Variants in ZNF107 observed in about 807,000 individuals in gnomAD.
The protein encoded by ZNF107 is C2H2 type zinc-finger protein.
Under a neutral mutation model 12.3 loss-of-function variants are expected in ZNF107, and 19 were observed. The observed-to-expected ratio is 1.55, with a 90% confidence interval of 1.08 to 2.27. The LOEUF (loss-of-function observed/expected upper bound fraction) is 2.27, where lower values mean the gene tolerates loss of function less well. Ranked by LOEUF, ZNF107 falls within the 30% of genes most tolerant of loss-of-function variation. The pLI is 0.00. For synonymous variants in ZNF107, 317 were observed against 330.5 expected (o/e 0.96, Z 0.44); for missense variants, 958 against 979.9 (o/e 0.98, Z 0.30).
chr7:64,667,444 A>G (rs1412620707), intron 1 of ZNF107, among the ~76,000 whole-genome samples: 1 of 140,978 alleles, frequency 7.1e-6, no homozygotes, highest in Non-Finnish European at 1.6e-5. Context: ...GTCTGTGCCT[A>G]TTTTCCTTTT....
At chr7:64,666,620 G>A (rs1789015840) in intron 1 of ZNF107, among the ~76,000 whole-genome samples, 1 of 152,194 alleles carries the variant, frequency 6.6e-6, no homozygotes, top group Non-Finnish European at 1.5e-5. Flanking sequence ...GATGCCGGGA[G>A]GGTCATCAGG....
At chr7:64,680,952 C>A (rs1278980716) in intron 1 of ZNF107, among the ~76,000 whole-genome samples, 1 of 152,158 alleles carries the variant, frequency 6.6e-6, no homozygotes, top group Non-Finnish European at 1.5e-5. Flanking sequence ...CAGGGCCATG[C>A]TTCAAGTGCC....
At chr7:64,679,477 G>T (rs1383634676) in intron 1 of ZNF107, 1 of 593,638 alleles carries the variant, frequency 1.7e-6, no homozygotes, top group Non-Finnish European at 2.1e-6. Flanking sequence ...TCAACCACAG[G>T]GACATGTGCC....
chr7:64,687,120 CA>C, intron 1 of ZNF107: 1 of 985,008 alleles, frequency 1.0e-6, no homozygotes, highest in Non-Finnish European at 1.2e-6. Flanking sequence ...TTTTCCCTCT[CA>C]ATATAATCAT....
chr7:64,700,376 G>T (rs1324610718), intron 3 of ZNF107, among the ~76,000 whole-genome samples: 1 of 152,058 alleles, frequency 6.6e-6, no homozygotes, highest in Non-Finnish European at 1.5e-5. Context: ...CTATTACCAT[G>T]TGATATGTGT....
intron 1 of ZNF107, among the ~76,000 whole-genome samples, chr7:64,688,844 A>C (rs2128962101): frequency 6.6e-6 from 1 of 152,306 alleles, no homozygotes; most frequent in African/African-American, 2.4e-5. Flanking sequence ...ATAATGACAC[A>C]CTGGATCCTG....
intron 1 of ZNF107, among the ~76,000 whole-genome samples, chr7:64,669,651 G>A (rs1789146800): frequency 6.6e-6 from 1 of 151,960 alleles, no homozygotes; most frequent in African/African-American, 2.4e-5. Flanking sequence ...GCCAGGTGTG[G>A]GTGACAGGCA....
chr7:64,698,286 T>C (rs1048520487), intron 3 of ZNF107, among the ~76,000 whole-genome samples: 1 of 152,182 alleles, frequency 6.6e-6, no homozygotes, highest in African/African-American at 2.4e-5. Flanking sequence ...GTTTTAAGAG[T>C]TGTTTGTATA....
At chr7:64,702,425 G>A (rs561446886) in intron 3 of ZNF107, among the ~76,000 whole-genome samples, 4 of 152,152 alleles carry the variant, frequency 2.6e-5, no homozygotes, top group Non-Finnish European at 4.4e-5. Flanking sequence ...GTGAGCCACC[G>A]CGCCCGGCCA....
rs1034851449 is a variant in ZNF107, at chr7:64,710,850, CTGTT to C, written c.*2198_*2201del. The C allele has an allele frequency of 2.6e-5, 4 of 152,114 alleles. No homozygotes were observed. The highest frequency in any genetic ancestry group is 3.4e-3 in the Middle Eastern group (1 of 294). 9.4% of individuals were successfully genotyped at this position (152,114 alleles called of 1,614,324 possible). ...CATGATGAAAACCTGAGTGAAGAGG[CTGTT>C]TGTGTTTAACTTATAATATTGAGTG... On this transcript the variant is annotated 3_prime_UTR_variant, in exon 4 of 4. Coordinates refer to ENST00000620827, the MANE Select transcript of ZNF107 (RefSeq NM_001282359.2).
At chr7:64,672,371 T>G (rs1789264451) in intron 1 of ZNF107, among the ~76,000 whole-genome samples, 2 of 152,120 alleles carry the variant, frequency 1.3e-5, no homozygotes, top group South Asian at 4.2e-4. Context: ...TATAATTATT[T>G]TTGGAGACAG....
chr7:64,690,446 A>G, intron 1 of ZNF107: 1 of 985,374 alleles, frequency 1.0e-6, no homozygotes, highest in Non-Finnish European at 1.2e-6. Context: ...ATTAGAAGAG[A>G]TCAGAGTTTT....
intron 1 of ZNF107, among the ~76,000 whole-genome samples, chr7:64,677,466 C>T (rs958494440): frequency 1.6e-4 from 7 of 42,876 alleles, no homozygotes; most frequent in Non-Finnish European, 2.7e-4. Context: ...GCCACCGCAC[C>T]TCGCCGGATT....
chr7:64,707,309 A>G lies in ZNF107; in HGVS notation c.1212A>G (p.Lys404=). The change falls in exon 4 of 4, where the codon AAA becomes AAG. Residue 404 remains lysine (K), a synonymous_variant. Coordinates refer to ENST00000620827, the MANE Select transcript of ZNF107 (RefSeq NM_001282359.2). ...CCTACAAATGTGAAGAATGTGGCAA[A>G]GTCTTTAACCAGTTCTCAACTCTTA... ...EKPYKCEECG[K]VFNQFSTLTR... 1 of 1,613,332 alleles carries G rather than the reference A, an allele frequency of 6.2e-7. No homozygotes were observed.
intron 1 of ZNF107, 68 bp from the exon 2 acceptor site, chr7:64,691,180 C>A: frequency 7.6e-7 from 1 of 1,310,586 alleles, no homozygotes; most frequent in Non-Finnish European, 9.8e-7. Context: ...CTATCCTATA[C>A]ATTTTTTTAA....
chr7:64,686,974 T>G, intron 1 of ZNF107: 1 of 985,488 alleles, frequency 1.0e-6, no homozygotes, highest in Non-Finnish European at 1.2e-6. Flanking sequence ...TTATTCATAA[T>G]GCTCATGTTT....
intron 1 of ZNF107, chr7:64,690,471 C>T (rs6460178): frequency 0.4 from 393,879 of 983,778 alleles, 79,135 homozygotes; most frequent in African/African-American, 0.43. Context: ...GGTGCCTTTC[C>T]GGAGTGGTTG....
At chr7:64,700,250 C>A (rs1790429686) in intron 3 of ZNF107, among the ~76,000 whole-genome samples, 1 of 152,024 alleles carries the variant, frequency 6.6e-6, no homozygotes, top group African/African-American at 2.4e-5. Context: ...GGGCCAACTT[C>A]CTCGTGAATA....
At chr7:64,699,132 G>T (rs1790388124) in intron 3 of ZNF107, among the ~76,000 whole-genome samples, 3 of 150,282 alleles carry the variant, frequency 2.0e-5, no homozygotes, top group South Asian at 2.1e-4. Flanking sequence ...TTTTTCCATG[G>T]GTGTTATAGT....
Sources: gnomAD v4.1 joint callset for allele counts (sites outside exome capture counted in the v4.1 genomes callset) on GRCh38, gnomAD v4.1.1 for gene constraint, MANE v1.5 for transcripts, NCBI Gene and HGNC (gene_info 2026-07-23, HGNC 2026-07-21) for gene names.